The following UBR1 variants were observed in gnomAD, a reference collection of about 807,000 sequenced individuals.
UBR1 encodes ubiquitin protein ligase E3 component n-recognin 1, also known as E3 ubiquitin-protein ligase UBR1.
Under a neutral mutation model 242.1 loss-of-function variants are expected in UBR1, and 102 were observed. The ratio of observed to expected loss-of-function variants is 0.42; its 90% confidence interval spans 0.36 to 0.50. The LOEUF is 0.50. Among genes scored for constraint, UBR1 ranks in the 20% least tolerant of loss-of-function variants. The pLI, the probability that UBR1 is intolerant of heterozygous loss-of-function variation, is 0.01. For synonymous variants in UBR1, 675 were observed against 684.8 expected (o/e 0.99, Z 0.22); for missense variants, 1,772 against 2,101.8 (o/e 0.84, Z 3.07).
chr15:42,951,984 T>A (rs1334308680), intron 45 of UBR1, among the ~76,000 whole-genome samples: 2 of 152,220 alleles, frequency 1.3e-5, no homozygotes, highest in African/African-American at 4.8e-5. Context: ...ACTTTTTAAA[T>A]ACAAGTTTTA....
At chr15:43,007,057 A>C (rs759529896) in intron 30 of UBR1, 22 bp downstream of exon 30, 1 of 1,608,568 alleles carries the variant, frequency 6.2e-7, no homozygotes. Context: ...GCACAAAAGG[A>C]TATTTATTAA....
chr15:42,961,758 T>A (rs1596076449), intron 42 of UBR1, among the ~76,000 whole-genome samples: 1 of 149,986 alleles, frequency 6.7e-6, no homozygotes, highest in East Asian at 2.0e-4. Flanking sequence ...TATACTTATC[T>A]TTTTTTTTGT....
intron 29 of UBR1, among the ~76,000 whole-genome samples, chr15:43,014,903 C>G (rs2032992772): frequency 6.6e-6 from 1 of 150,614 alleles, no homozygotes; most frequent in South Asian, 2.1e-4. Context: ...CCCGCCCGGC[C>G]AGCCACCCCG....
Position 43,029,983 on chromosome 15 carries a change from G to A in UBR1, c.2340C>T (p.Pro780=). 6.2e-7 allele frequency: 1 copy of A among 1,614,060 alleles called. No individual in the cohort carries two copies. The highest frequency in any genetic ancestry group is 1.3e-5 in the African/African-American group (1 of 75,038). The part of the protein sequence containing the change: ...REIIHLLCIE[P]MPHSAIAKNL... ...TTTTGGCAATGGCACTGTGTGGCAT[G>A]GGTTCAATGCAAAGCAAGTGAATGA... is the stretch of plus-strand genomic sequence containing the variant. Residue 780 remains proline, a synonymous_variant, in exon 21 of 47, where the codon CCC becomes CCT. Coordinates refer to ENST00000290650, the MANE Select transcript of UBR1 (RefSeq NM_174916.3).
chr15:42,981,590 C>A (rs1452755156), intron 37 of UBR1, among the ~76,000 whole-genome samples: 1 of 151,964 alleles, frequency 6.6e-6, no homozygotes, highest in Non-Finnish European at 1.5e-5. Flanking sequence ...CCTGGGTTCA[C>A]GCCATTCTCC....
intron 29 of UBR1, among the ~76,000 whole-genome samples, chr15:43,015,269 TG>T (rs1336422936): frequency 5.3e-5 from 8 of 152,130 alleles, no homozygotes; most frequent in Non-Finnish European, 1.5e-5. Flanking sequence ...GAAGTAGACA[TG>T]GGAGACTTTT....
At chr15:43,040,757 C>A (rs1331420287) in intron 15 of UBR1, among the ~76,000 whole-genome samples, 2 of 152,124 alleles carry the variant, frequency 1.3e-5, no homozygotes, top group African/African-American at 4.8e-5. Flanking sequence ...AGAAAAAACA[C>A]AACTCCATTG....
At chr15:43,016,009 A>G (rs757721368) in intron 28 of UBR1, 140 bp from the exon 29 acceptor site, 208 of 716,844 alleles carry the variant, frequency 2.9e-4, no homozygotes, top group Non-Finnish European at 4.3e-4. Flanking sequence ...TAATGTTTCA[A>G]AATTAGCATT....
intron 4 of UBR1, among the ~76,000 whole-genome samples, chr15:43,071,471 G>C (rs755775176): frequency 3.3e-5 from 5 of 152,178 alleles, no homozygotes; most frequent in African/African-American, 4.8e-5. Context: ...GCAGAAGGTT[G>C]TTCAGTGGGT....
At chr15:43,081,788 C>T (rs1367080334) in intron 3 of UBR1, among the ~76,000 whole-genome samples, 1 of 151,920 alleles carries the variant, frequency 6.6e-6, no homozygotes, top group African/African-American at 2.4e-5. Context: ...TCTTAAAAAT[C>T]CATATTTTTT....
At chr15:43,055,688 G>GC in intron 11 of UBR1, among the ~76,000 whole-genome samples, 1 of 152,180 alleles carries the variant, frequency 6.6e-6, no homozygotes. Context: ...GCTAAGGCTG[G>GC]CAGATCACCT....
chr15:43,020,014 C>G (rs1356354939), intron 27 of UBR1, among the ~76,000 whole-genome samples: 1 of 151,928 alleles, frequency 6.6e-6, no homozygotes, highest in East Asian at 1.9e-4. Flanking sequence ...TACTCAATAG[C>G]TCAAGCACCA....
rs542429681 is a variant in UBR1 at position 43,027,040 on chromosome 15, T to C, written c.2433-377A>G. Among the ~76,000 whole-genome samples, 3 of 152,196 alleles carry C rather than the reference T, an allele frequency of 2.0e-5. No homozygotes were observed. The South Asian group carries it at 6.2e-4, about 32-fold the overall frequency. On this transcript the variant is annotated intron_variant, in intron 22 of 46. Transcript: ENST00000290650. ...TTAGACACTTCATTGTCTAAGGTCA[T>C]ATCTAAAACAGTAGGGAGACATCAT...
intron 1 of UBR1, among the ~76,000 whole-genome samples, chr15:43,093,617 C>CA (rs1490460922): frequency 3.3e-5 from 5 of 151,690 alleles, no homozygotes; most frequent in South Asian, 2.1e-4. Flanking sequence ...CCCATCTCTA[C>CA]AAAAAAACAC....
chr15:43,014,485 C>T (rs2032979202), intron 29 of UBR1, among the ~76,000 whole-genome samples: 1 of 152,114 alleles, frequency 6.6e-6, no homozygotes, highest in Admixed American at 6.5e-5. Flanking sequence ...AGGAGCGTCT[C>T]TGCCGGGCCA....
intron 21 of UBR1, among the ~76,000 whole-genome samples, chr15:43,028,902 G>C (rs550105395): frequency 1.6e-4 from 24 of 151,990 alleles, no homozygotes; most frequent in Non-Finnish European, 3.5e-4. Flanking sequence ...TGGCCAATAT[G>C]GTGAAATCCC....
At chr15:43,089,441 G>A (rs1019988668) in intron 1 of UBR1, among the ~76,000 whole-genome samples, 3 of 152,132 alleles carry the variant, frequency 2.0e-5, no homozygotes, top group African/African-American at 4.8e-5. Flanking sequence ...CTTGCAGTAA[G>A]CTGAGATTGC....
intron 28 of UBR1, among the ~76,000 whole-genome samples, chr15:43,016,220 AAC>A (rs1350999014): frequency 6.6e-6 from 1 of 152,256 alleles, no homozygotes; most frequent in Non-Finnish European, 1.5e-5. Flanking sequence ...CTTGATTTCT[AAC>A]AGTTACTTCT....
intron 37 of UBR1, among the ~76,000 whole-genome samples, chr15:42,979,636 C>T (rs899113604): frequency 3.3e-5 from 5 of 151,982 alleles, no homozygotes; most frequent in Admixed American, 6.5e-5. Context: ...CTACAACCTC[C>T]GCCTCCTCGG....
Sources: gnomAD v4.1 joint callset for allele counts (sites outside exome capture counted in the v4.1 genomes callset) on GRCh38, gnomAD v4.1.1 for gene constraint, MANE v1.5 for transcripts, NCBI Gene and HGNC (gene_info 2026-07-23, HGNC 2026-07-21) for gene names.